TOMM34: variants seen among roughly 807,000 people sequenced by gnomAD.
TOMM34 encodes mitochondrial import receptor subunit TOM34.
A neutral mutation model predicts 37.4 loss-of-function variants in TOMM34; 24 were observed. The observed-to-expected ratio is 0.64, with a 90% CI of 0.46 to 0.90. TOMM34 has a LOEUF of 0.90. TOMM34 is among the 40% of genes least tolerant of loss of function. TOMM34 has a pLI of 0.00. For missense variants in TOMM34, 304 were observed against 375.6 expected (o/e 0.81, Z 1.58); for synonymous variants, 154 against 148.9 (o/e 1.03, Z -0.25).
intron 5 of TOMM34, 96 bp from the exon 6 acceptor site, chr20:44,943,675 C>T (rs1290105731): frequency 6.4e-7 from 1 of 1,555,542 alleles, no homozygotes; most frequent in African/African-American, 1.4e-5. Flanking sequence ...ATTTGCTGAA[C>T]ACCTACTCTG....
intron 4 of TOMM34, 148 bp downstream of exon 4, chr20:44,951,684 TA>T: frequency 1.0e-6 from 1 of 954,148 alleles, no homozygotes; most frequent in Non-Finnish European, 1.5e-6. Context: ...AAACAGTCTC[TA>T]AGAGGTGAAG....
At chr20:44,956,873 G>GA (rs201381449) in intron 1 of TOMM34, among the ~76,000 whole-genome samples, 163 of 54,368 alleles carry the variant, frequency 3.0e-3, no homozygotes, top group East Asian at 4.4e-3. Flanking sequence ...AAGAAAGAAA[G>GA]AAAAAAAAAA....
At chr20:44,952,119 C>A in intron 3 of TOMM34, 117 bp from the exon 4 acceptor site, 1 of 1,294,948 alleles carries the variant, frequency 7.7e-7, no homozygotes, top group Non-Finnish European at 1.0e-6. Context: ...CCACCCTCCC[C>A]CTGGTCGGAA....
chr20:44,948,176 GCACCCTGGCTCC>G (rs1235040182), intron 5 of TOMM34, among the ~76,000 whole-genome samples: 1 of 152,148 alleles, frequency 6.6e-6, no homozygotes, highest in African/African-American at 2.4e-5. Context: ...TGAAGGGACC[GCACCCTGGCTCC>G]CAGGTTCTCA....
At chr20:44,955,260 A>G in intron 2 of TOMM34, 40 bp from the exon 3 acceptor site, 1 of 1,605,578 alleles carries the variant, frequency 6.2e-7, no homozygotes, top group Non-Finnish European at 8.5e-7. Flanking sequence ...CTGGCTGCTG[A>G]GCCACCAGGG....
At chr20:44,951,802 G>A in intron 4 of TOMM34, 31 bp downstream of exon 4, 1 of 1,596,716 alleles carries the variant, frequency 6.3e-7, no homozygotes, top group Non-Finnish European at 8.5e-7. Context: ...GTGGGAGATT[G>A]CAAGACTCTG....
At chr20:44,953,172 C>G (rs943634442) in intron 3 of TOMM34, among the ~76,000 whole-genome samples, 3 of 152,146 alleles carry the variant, frequency 2.0e-5, no homozygotes, top group African/African-American at 7.2e-5. Context: ...GTCCCTTTAA[C>G]TCTTTCCTCA....
At position 44,960,354 on chromosome 20, in the gene TOMM34, T is replaced by A; in HGVS notation, c.-21A>T. ...GCCATCCCGTGGCCAGGCCGGCGAG[T>A]TGGGAGCTCCTTCCTTCCTCCCCCG... On this transcript the variant is annotated 5_prime_UTR_variant, in exon 1 of 7. Coordinates refer to ENST00000372813, the MANE Select transcript of TOMM34 (RefSeq NM_006809.5). 1 of 1,545,752 alleles carries A rather than the reference T, an allele frequency of 6.5e-7. No individual in the cohort carries two copies. The highest frequency in any genetic ancestry group is 1.2e-5 in the South Asian group (1 of 83,040).
chr20:44,955,396 G>T, intron 2 of TOMM34, 176 bp from the exon 3 acceptor site: 1 of 732,714 alleles, frequency 1.4e-6, no homozygotes, highest in Non-Finnish European at 2.3e-6. Flanking sequence ...GTAGACTGAA[G>T]TGAGGAGGAG....
At chr20:44,944,645 GT>G (rs2145592979) in intron 5 of TOMM34, among the ~76,000 whole-genome samples, 1 of 152,246 alleles carries the variant, frequency 6.6e-6, no homozygotes, top group East Asian at 1.9e-4. Context: ...GAGCCCAGGA[GT>G]TTGAGACCAG....
At chr20:44,955,309 A>T in intron 2 of TOMM34, 89 bp from the exon 3 acceptor site, 1 of 1,513,516 alleles carries the variant, frequency 6.6e-7, no homozygotes. Context: ...TATCTGGAGC[A>T]CTCAGCGTAC....
intron 1 of TOMM34, chr20:44,959,083 T>TA (rs1303671510): frequency 3.3e-5 from 5 of 152,168 alleles, no homozygotes; most frequent in African/African-American, 9.7e-5. Context: ...GGAGCCAATT[T>TA]AACTCTCTTG....
At chr20:44,955,933 C>T (rs147109772) in intron 2 of TOMM34, among the ~76,000 whole-genome samples, 34 of 152,322 alleles carry the variant, frequency 2.2e-4, no homozygotes, top group African/African-American at 7.9e-4. Flanking sequence ...AAACATTGTT[C>T]AGTGTCCTCT....
intron 1 of TOMM34, among the ~76,000 whole-genome samples, chr20:44,957,980 C>A (rs917206259): frequency 6.6e-6 from 1 of 152,070 alleles, no homozygotes; most frequent in Non-Finnish European, 1.5e-5. Flanking sequence ...CTCCAGCCAT[C>A]CCCATCCTTA....
rs1235785521 is a variant in TOMM34 at position 44,960,363 on chromosome 20, C to T, written c.-30G>A. On this transcript the variant is annotated 5_prime_UTR_variant, in exon 1 of 7. Transcript: ENST00000372813. ...TGGCCAGGCCGGCGAGTTGGGAGCTCCTTCCTTCCTCCCCCGTGTGGTGCG... is the reference window on the plus strand; with the variant it reads ...TGGCCAGGCCGGCGAGTTGGGAGCTTCTTCCTTCCTCCCCCGTGTGGTGCG... 6.5e-7 allele frequency: 1 copy of T among 1,533,974 alleles called. No individual in the cohort carries two copies. Among genetic ancestry groups the T allele is most frequent in the Non-Finnish European group, 8.8e-7 (1 of 1,137,424 alleles).
intron 3 of TOMM34, among the ~76,000 whole-genome samples, chr20:44,954,156 C>T (rs1205792759): frequency 1.3e-5 from 2 of 152,214 alleles, no homozygotes; most frequent in Admixed American, 1.3e-4. Context: ...TCTGGCCTCC[C>T]CCTCTCCCTC....
intron 4 of TOMM34, among the ~76,000 whole-genome samples, chr20:44,950,791 A>G (rs1406176130): frequency 6.6e-6 from 1 of 152,168 alleles, no homozygotes; most frequent in African/African-American, 2.4e-5. Flanking sequence ...TAACACCTAT[A>G]GGTCACTTAC....
intron 2 of TOMM34, among the ~76,000 whole-genome samples, chr20:44,956,150 G>A (rs1387967876): frequency 6.6e-6 from 1 of 152,096 alleles, no homozygotes; most frequent in Non-Finnish European, 1.5e-5. Context: ...GCTTCTAACT[G>A]CCCATCCCAC....
At chr20:44,943,269 A>G in intron 6 of TOMM34, 56 bp from the exon 7 acceptor site, 3 of 1,604,124 alleles carry the variant, frequency 1.9e-6, no homozygotes, top group Non-Finnish European at 2.6e-6. Flanking sequence ...GGGTGGGGAT[A>G]GCTGCTGAGG....
Sources: gnomAD v4.1 joint callset for allele counts (sites outside exome capture counted in the v4.1 genomes callset) on GRCh38, gnomAD v4.1.1 for gene constraint, MANE v1.5 for transcripts, NCBI Gene and HGNC (gene_info 2026-07-23, HGNC 2026-07-21) for gene names.